LMOD1: variants seen among roughly 807,000 people sequenced by gnomAD.
LMOD1 encodes the protein leiomodin-1.
LMOD1 carries 8 observed loss-of-function variants against 36.5 expected under a neutral mutation model. The ratio of observed to expected loss-of-function variants is 0.22; its 90% CI spans 0.13 to 0.40. The LOEUF (loss-of-function observed/expected upper bound fraction) is 0.40. LMOD1 is among the 10% of genes least tolerant of loss of function. The probability of loss-of-function intolerance (pLI) is 1.00; values close to 1 mark genes in which losing one functional copy is unlikely to be tolerated. For missense variants in LMOD1, 630 were observed against 751.1 expected (o/e 0.84, Z 1.88); for synonymous variants, 284 against 288.7 (o/e 0.98, Z 0.17).
intron 1 of LMOD1, among the ~76,000 whole-genome samples, chr1:201,915,255 G>T (rs1319605770): frequency 1.3e-5 from 2 of 152,060 alleles, no homozygotes; most frequent in Non-Finnish European, 2.9e-5. Flanking sequence ...AGACATGTGG[G>T]TGTTGGCAAG....
Position 201,900,030 on chromosome 1 carries a change from T to C in LMOD1, c.983A>G (p.Asn328Ser). ...FDEPLERVKNNDPEMTEVNVN... is the reference protein window; with the variant it reads ...FDEPLERVKNSDPEMTEVNVN... Reference sequence around the variant, plus strand: ...GTTCACCTCAGTCATCTCGGGGTCATTGTTCTTCACTCTCTCCAGAGGCTC... The same window carrying C: ...GTTCACCTCAGTCATCTCGGGGTCACTGTTCTTCACTCTCTCCAGAGGCTC... The change falls in exon 2 of 3, where the codon AAT becomes AGT. Residue 328 changes from asparagine to serine, a missense_variant. Around this residue, in one of 3 missense-constraint regions of LMOD1, gnomAD observed 81 missense variants for 180.6 expected, o/e 0.45. Coordinates refer to ENST00000367288, the MANE Select transcript of LMOD1 (RefSeq NM_012134.3). 6.2e-7 allele frequency: 1 copy of C among 1,613,804 alleles called. No homozygotes were observed. Among genetic ancestry groups the C allele is most frequent in the South Asian group, 1.1e-5 (1 of 91,046 alleles).
At chr1:201,931,893 C>T (rs569953002) in intron 1 of LMOD1, among the ~76,000 whole-genome samples, 2 of 150,958 alleles carry the variant, frequency 1.3e-5, no homozygotes, top group South Asian at 2.1e-4. Context: ...AGGGCCAGAC[C>T]CTGTATCAAA....
chr1:201,927,969 A>G (rs561623775), intron 1 of LMOD1, among the ~76,000 whole-genome samples: 1 of 152,316 alleles, frequency 6.6e-6, no homozygotes, highest in Non-Finnish European at 1.5e-5. Flanking sequence ...GGTTTGGGTC[A>G]TGGGGGCACT....
chr1:201,933,331 G>A (rs990616154), intron 1 of LMOD1, among the ~76,000 whole-genome samples: 14 of 151,164 alleles, frequency 9.3e-5, no homozygotes, highest in South Asian at 2.1e-4. Context: ...GGAGAATCGC[G>A]TGAACCCGGA....
rs71141426 is a variant in LMOD1 at position 201,933,595 on chromosome 1, TTA to T, written c.261+12483_261+12484del. ...TTATATATGTACACATATACATACATTATATATATATATATATATATATATAT... is the reference window on the plus strand; with the variant it reads ...TTATATATGTACACATATACATACATTATATATATATATATATATATATAT... On this transcript the variant is annotated intron_variant, in intron 1 of 2. Coordinates refer to ENST00000367288, the MANE Select transcript of LMOD1 (RefSeq NM_012134.3). Among the ~76,000 whole-genome samples the T allele has an allele frequency of 5.5e-3, 345 of 63,200 alleles. 6 individuals carry two copies. The highest frequency in any genetic ancestry group is 0.013 in the African/African-American group (269 of 21,502). 41.5% of individuals were successfully genotyped at this position (63,200 alleles called of 152,430 possible).
chr1:201,911,400 C>G (rs1297407269), intron 1 of LMOD1, among the ~76,000 whole-genome samples: 2 of 152,168 alleles, frequency 1.3e-5, no homozygotes, highest in Non-Finnish European at 2.9e-5. Context: ...GGCAGTGGCT[C>G]ACACCTATAA....
At position 201,899,043 on chromosome 1, in the gene LMOD1, G is replaced by A; in HGVS notation, c.1776+194C>T. ...AAGGAAGGGTAGAGTCTCAGCTCTA[G>A]GGGATATACAGGTGTGACCTGCCTG... On this transcript the variant is annotated intron_variant, in intron 2 of 2. Coordinates refer to ENST00000367288, the MANE Select transcript of LMOD1 (RefSeq NM_012134.3). This position sits in a 1 kb window ranked among gnomAD's most constrained non-coding sequence, Gnocchi z 6.3. 1 of 535,044 alleles carries A rather than the reference G, an allele frequency of 1.9e-6. No homozygotes were observed. 33.1% of individuals were successfully genotyped at this position (535,044 alleles called of 1,614,324 possible). A position where few individuals can be genotyped will look rare whatever the true frequency, so the allele number is the denominator to read the frequency against.
intron 1 of LMOD1, among the ~76,000 whole-genome samples, chr1:201,910,345 C>T (rs1239748180): frequency 6.6e-6 from 1 of 151,096 alleles, no homozygotes; most frequent in African/African-American, 2.4e-5. Context: ...GCAATCATGG[C>T]TCACTGCAGC....
At chr1:201,903,756 A>T (rs1196128513) in intron 1 of LMOD1, among the ~76,000 whole-genome samples, 2 of 152,000 alleles carry the variant, frequency 1.3e-5, no homozygotes, top group Admixed American at 1.3e-4. Flanking sequence ...CCTCCAGGGC[A>T]AAGACTCCTG....
chr1:201,923,187 G>C (rs989000514), intron 1 of LMOD1, among the ~76,000 whole-genome samples: 1 of 152,114 alleles, frequency 6.6e-6, no homozygotes, highest in Non-Finnish European at 1.5e-5. Context: ...AGCATGGCCA[G>C]TACCCATCTC....
intron 1 of LMOD1, among the ~76,000 whole-genome samples, chr1:201,902,844 A>G (rs1220107118): frequency 1.3e-5 from 2 of 152,120 alleles, no homozygotes; most frequent in Non-Finnish European, 2.9e-5. Context: ...CTGTTTTGAG[A>G]GCACTTGCTT....
At chr1:201,906,798 G>A (rs1279823549) in intron 1 of LMOD1, among the ~76,000 whole-genome samples, 7 of 152,234 alleles carry the variant, frequency 4.6e-5, no homozygotes, top group Non-Finnish European at 8.8e-5. Context: ...GGGAGGCTGA[G>A]GCAGGAGGAC....
At position 201,901,686 on chromosome 1, in the gene LMOD1, A is replaced by ATG. The variant is rs1553295756; in HGVS notation, c.262-937_262-936dup. Among the ~76,000 whole-genome samples the ATG allele has an allele frequency of 4.0e-4, 30 of 75,338 alleles. 1 individual carries two copies. The highest frequency in any genetic ancestry group is 5.5e-3 in the Middle Eastern group (1 of 182). 49.4% of individuals were successfully genotyped at this position (75,338 alleles called of 152,430 possible). ...TATATATATATATACACATATATATATGTGTATATATATATATATGTGAAA... is the reference window on the plus strand; with the variant it reads ...TATATATATATATACACATATATATATGTGTGTATATATATATATATGTGAAA... On this transcript the variant is annotated intron_variant, in intron 1 of 2. Coordinates refer to ENST00000367288, the MANE Select transcript of LMOD1 (RefSeq NM_012134.3).
chr1:201,920,617 A>G (rs1681688052), intron 1 of LMOD1, among the ~76,000 whole-genome samples: 1 of 152,154 alleles, frequency 6.6e-6, no homozygotes, highest in Non-Finnish European at 1.5e-5. Flanking sequence ...ATTCTACTGG[A>G]AGGGAGAAAG....
chr1:201,899,499 G>A lies in LMOD1; in HGVS notation c.1514C>T (p.Ala505Val), dbSNP rs769685449. 6 of 1,613,854 alleles carry A rather than the reference G, an allele frequency of 3.7e-6. No individual in the cohort carries two copies. The South Asian group carries it at 6.6e-5, about 18-fold the overall frequency. ...AGGTGAAGGTTTTGGGGAGCCCTTAGCCACGGCCCCGGCCTTGGGTACCTC... is the reference window on the plus strand; with the variant it reads ...AGGTGAAGGTTTTGGGGAGCCCTTAACCACGGCCCCGGCCTTGGGTACCTC... ...LLEVPKAGAV[A>V]KGSPKPSPQP... The change falls in exon 2 of 3, where the codon GCT becomes GTT. Residue 505 changes from alanine to valine, a missense_variant. Ala to Val is a moderately conservative substitution (Grantham distance 64). Transcript: ENST00000367288. The surrounding 1 kb of genome is among the most constrained non-coding windows in gnomAD (Gnocchi z 6.3).
At chr1:201,901,502 C>A (rs1218383560) in intron 1 of LMOD1, among the ~76,000 whole-genome samples, 10 of 73,648 alleles carry the variant, frequency 1.4e-4, no homozygotes, top group South Asian at 5.2e-4. Flanking sequence ...AACTCTGTCT[C>A]AAAAAAAAAA....
At chr1:201,903,100 C>T (rs370566797) in intron 1 of LMOD1, among the ~76,000 whole-genome samples, 18 of 152,268 alleles carry the variant, frequency 1.2e-4, no homozygotes, top group Middle Eastern at 3.4e-3. Flanking sequence ...AGCTCTCTGT[C>T]GCACTCTCGG....
intron 1 of LMOD1, among the ~76,000 whole-genome samples, chr1:201,927,891 C>T (rs1486282521): frequency 1.3e-5 from 2 of 152,284 alleles, no homozygotes; most frequent in Non-Finnish European, 1.5e-5. Flanking sequence ...AATGTGTCCT[C>T]CAAAGTTCAT....
intron 1 of LMOD1, among the ~76,000 whole-genome samples, chr1:201,902,796 C>G (rs762280433): frequency 6.6e-6 from 1 of 152,150 alleles, no homozygotes; most frequent in Non-Finnish European, 1.5e-5. Context: ...CCATGGATCC[C>G]TGTTTCTTCC....
Sources: allele counts gnomAD v4.1 joint callset (sites outside exome capture counted in the v4.1 genomes callset), GRCh38; gene constraint gnomAD v4.1.1; regional missense constraint gnomAD v4.1.1; non-coding constraint Gnocchi (gnomAD v3.1); transcripts MANE v1.5; gene names NCBI Gene and HGNC (gene_info 2026-07-23, HGNC 2026-07-21).